WDFY4: variants seen among roughly 807,000 people sequenced by gnomAD.
WDFY4 encodes the protein WDFY family member 4, also known as WD repeat- and FYVE domain-containing protein 4.
In WDFY4, 169 loss-of-function variants were observed where a neutral mutation model predicts 351.9. The observed-to-expected ratio is 0.48, with a 90% CI of 0.42 to 0.55. The LOEUF (loss-of-function observed/expected upper bound fraction) is 0.55. Among genes scored for constraint, WDFY4 ranks in the 20% least tolerant of loss-of-function variants. WDFY4 has a pLI of 0.00. For missense variants in WDFY4, 3,803 were observed against 3,935.6 expected (o/e 0.97, Z 0.90); for synonymous variants, 1,622 against 1,574.6 (o/e 1.03, Z -0.71).
intron 9 of WDFY4, 115 bp downstream of exon 9, chr10:48,731,677 T>C (rs1408639775): frequency 1.6e-6 from 2 of 1,217,588 alleles, no homozygotes; most frequent in Admixed American, 2.6e-5. Flanking sequence ...CCCATGTCAC[T>C]GGGAAGGTAT....
At chr10:48,768,834 T>A (rs1244987442) in intron 13 of WDFY4, among the ~76,000 whole-genome samples, 3 of 151,902 alleles carry the variant, frequency 2.0e-5, no homozygotes, top group Non-Finnish European at 4.4e-5. Context: ...GTTTCTTGGA[T>A]GAAGGGACAC....
At chr10:48,924,113 G>A (rs776689087) in intron 47 of WDFY4, among the ~76,000 whole-genome samples, 4 of 152,242 alleles carry the variant, frequency 2.6e-5, no homozygotes, top group Non-Finnish European at 4.4e-5. Flanking sequence ...AGTGAGGGCT[G>A]GCTAGGATAA....
At chr10:48,760,531 C>T (rs894052265) in intron 13 of WDFY4, 91 bp downstream of exon 13, 15 of 1,321,812 alleles carry the variant, frequency 1.1e-5, no homozygotes, top group African/African-American at 2.9e-5. Context: ...TTCCTTTTGT[C>T]CGTGTCTTCA....
intron 39 of WDFY4, among the ~76,000 whole-genome samples, chr10:48,853,773 T>C (rs1054486659): frequency 2.0e-5 from 3 of 152,336 alleles, no homozygotes; most frequent in South Asian, 4.1e-4. Context: ...TGTAAGCCTC[T>C]CTCACTGTAC....
chr10:48,807,857 A>G lies in WDFY4; in HGVS notation c.4739-2A>G. 1 of 1,551,494 alleles carries G rather than the reference A, an allele frequency of 6.4e-7. No homozygotes were observed. The highest frequency in any genetic ancestry group is 8.7e-7 in the Non-Finnish European group (1 of 1,146,898). On this transcript the variant is annotated splice_acceptor_variant, in intron 27 of 61. Coordinates refer to ENST00000325239, the MANE Select transcript of WDFY4 (RefSeq NM_001394531.1). LOFTEE classifies it high-confidence loss of function. ...CTCTCAAATCTGAATTCTTTTTTGTAGCTGGAAGCCAAACATCTGGAAAGA... is the reference window on the plus strand; with the variant it reads ...CTCTCAAATCTGAATTCTTTTTTGTGGCTGGAAGCCAAACATCTGGAAAGA...
At chr10:48,835,550 A>G (rs1348531208) in intron 39 of WDFY4, among the ~76,000 whole-genome samples, 1 of 152,186 alleles carries the variant, frequency 6.6e-6, no homozygotes, top group Non-Finnish European at 1.5e-5. Context: ...ACCTTTTAGC[A>G]CCAGGAAGAA....
chr10:48,952,554 G>A (rs546077406), intron 51 of WDFY4, among the ~76,000 whole-genome samples: 5 of 152,280 alleles, frequency 3.3e-5, no homozygotes, highest in East Asian at 1.9e-4. Context: ...ATTGAACAAC[G>A]GAGCCTCAGT....
At chr10:48,698,207 C>T (rs753170395) in intron 1 of WDFY4, among the ~76,000 whole-genome samples, 6 of 152,266 alleles carry the variant, frequency 3.9e-5, no homozygotes, top group Middle Eastern at 3.4e-3. Flanking sequence ...GAGCAGGAGC[C>T]GGAATGCAGG....
At chr10:48,761,815 A>G (rs377634756) in intron 13 of WDFY4, among the ~76,000 whole-genome samples, 2 of 152,264 alleles carry the variant, frequency 1.3e-5, no homozygotes, top group Non-Finnish European at 2.9e-5. Context: ...TGGCTTGAGC[A>G]GCTACTCTGT....
intron 1 of WDFY4, among the ~76,000 whole-genome samples, chr10:48,705,701 C>A (rs764947916): frequency 6.6e-6 from 1 of 152,204 alleles, no homozygotes; most frequent in East Asian, 1.9e-4. Flanking sequence ...TATCAAAAAT[C>A]TTTGCCGATT....
chr10:48,697,089 A>G (rs1447992090), intron 1 of WDFY4, among the ~76,000 whole-genome samples: 1 of 152,178 alleles, frequency 6.6e-6, no homozygotes, highest in African/African-American at 2.4e-5. Context: ...CAGCGAGTCA[A>G]GGCCAGAGGT....
chr10:48,810,842 G>A, intron 29 of WDFY4, 107 bp downstream of exon 29: 2 of 1,206,134 alleles, frequency 1.7e-6, no homozygotes, highest in Non-Finnish European at 2.2e-6. Flanking sequence ...GCTCTGTGCA[G>A]CAGGATCACC....
chr10:48,852,606 T>A (rs1255455470), intron 39 of WDFY4, among the ~76,000 whole-genome samples: 2 of 152,128 alleles, frequency 1.3e-5, no homozygotes, highest in South Asian at 4.1e-4. Flanking sequence ...GGAGAAGCAG[T>A]CATTTTGCCT....
intron 43 of WDFY4, among the ~76,000 whole-genome samples, chr10:48,877,653 G>A (rs908804769): frequency 6.6e-6 from 1 of 152,140 alleles, no homozygotes; most frequent in African/African-American, 2.4e-5. Flanking sequence ...CCTATGCCTC[G>A]GCCTCACCTT....
intron 39 of WDFY4, among the ~76,000 whole-genome samples, chr10:48,835,885 G>T (rs1484847327): frequency 6.6e-6 from 1 of 152,200 alleles, no homozygotes; most frequent in Admixed American, 6.5e-5. Flanking sequence ...CTGCATCTTT[G>T]CTTAGCAACA....
chr10:48,758,497 T>C (rs181490489), intron 12 of WDFY4, among the ~76,000 whole-genome samples: 1 of 152,304 alleles, frequency 6.6e-6, no homozygotes, highest in Admixed American at 6.5e-5. Context: ...TTCTCAAACG[T>C]TTTTTCTTTC....
chr10:48,760,734 G>A (rs1017833581), intron 13 of WDFY4, among the ~76,000 whole-genome samples: 3 of 152,160 alleles, frequency 2.0e-5, no homozygotes, highest in African/African-American at 7.2e-5. Context: ...CCATAGTAAG[G>A]CAAGTCCCAG....
At chr10:48,744,843 T>C (rs1053398559) in intron 12 of WDFY4, among the ~76,000 whole-genome samples, 2 of 152,226 alleles carry the variant, frequency 1.3e-5, no homozygotes, top group Non-Finnish European at 2.9e-5. Flanking sequence ...GGCATCCGAC[T>C]GCTCACGATG....
intron 57 of WDFY4, among the ~76,000 whole-genome samples, chr10:48,971,416 A>G (rs544547493): frequency 6.6e-6 from 1 of 152,204 alleles, no homozygotes; most frequent in South Asian, 2.1e-4. Context: ...GAATGGCGTG[A>G]ACCCGGGAGG....
Sources: gnomAD v4.1 joint callset for allele counts (sites outside exome capture counted in the v4.1 genomes callset) on GRCh38, gnomAD v4.1.1 for gene constraint, MANE v1.5 for transcripts, NCBI Gene and HGNC (gene_info 2026-07-23, HGNC 2026-07-21) for gene names.